The following RPTOR variants were observed in gnomAD, a reference collection of about 807,000 sequenced individuals.
The protein encoded by RPTOR is regulatory-associated protein of mTOR.
Under a neutral mutation model 169.9 loss-of-function variants are expected in RPTOR, and 21 were observed. The observed-to-expected ratio is 0.12, with a 90% CI of 0.09 to 0.18. RPTOR has a LOEUF of 0.18. Among genes scored for constraint, RPTOR ranks in the 10% least tolerant of loss-of-function variants. RPTOR has a pLI of 1.00. For missense variants in RPTOR, 1,133 were observed against 1,855.9 expected, an observed-to-expected ratio of 0.61 and a Z score of 7.16; for synonymous variants, 732 against 753.2, an observed-to-expected ratio of 0.97 and a Z score of 0.46.
At chr17:80,827,519 A>G (rs1249611466) in intron 9 of RPTOR, among the ~76,000 whole-genome samples, 1 of 152,168 alleles carries the variant, frequency 6.6e-6, no homozygotes, top group Non-Finnish European at 1.5e-5. Flanking sequence ...ACCTAGTGCC[A>G]CACACAGTCA....
intron 13 of RPTOR, among the ~76,000 whole-genome samples, chr17:80,871,171 T>A (rs1343836050): frequency 1.3e-5 from 2 of 152,184 alleles, no homozygotes; most frequent in Non-Finnish European, 2.9e-5. Context: ...AGTGGCGCGA[T>A]CTCGGCTCAC....
rs2069429677 is a variant in RPTOR at position 80,966,188 on chromosome 17, T to C, written c.*1858T>C. The stretch of plus-strand genomic sequence containing the variant: ...CCGCGTGCCGCCTGCACGTGGGCTG[T>C]CTTCACAGGTCTGATGTGAAAATTC... On this transcript the variant is annotated 3_prime_UTR_variant, in exon 34 of 34. Transcript: ENST00000306801. 5.7e-6 allele frequency: 1 copy of C among 176,240 alleles called. No individual in the cohort carries two copies. Among genetic ancestry groups the C allele is most frequent in the Non-Finnish European group, 1.1e-5 (1 of 87,524 alleles). 10.9% of individuals were successfully genotyped at this position (176,240 alleles called of 1,614,324 possible).
chr17:80,628,216 T>G (rs1402216667), intron 2 of RPTOR, among the ~76,000 whole-genome samples: 2 of 152,234 alleles, frequency 1.3e-5, no homozygotes, highest in African/African-American at 4.8e-5. Flanking sequence ...ATGTCTTTTA[T>G]ATTTACCTTC....
intron 3 of RPTOR, among the ~76,000 whole-genome samples, chr17:80,669,750 C>A (rs943468873): frequency 6.6e-6 from 1 of 152,272 alleles, no homozygotes; most frequent in Non-Finnish European, 1.5e-5. Context: ...CAGACCTCTC[C>A]ATGGAGGGAC....
intron 6 of RPTOR, among the ~76,000 whole-genome samples, chr17:80,782,693 G>A (rs1006315478): frequency 1.6e-4 from 24 of 152,284 alleles, no homozygotes; most frequent in African/African-American, 4.8e-4. Context: ...AAGGGGTCAC[G>A]GGGTGAGAGG....
At chr17:80,830,789 C>T (rs1239290538) in intron 9 of RPTOR, among the ~76,000 whole-genome samples, 2 of 151,012 alleles carry the variant, frequency 1.3e-5, no homozygotes, top group Non-Finnish European at 2.9e-5. Flanking sequence ...CTCGCTCTGT[C>T]ACCCAGGCTG....
chr17:80,567,023 T>C (rs971804513), intron 1 of RPTOR, among the ~76,000 whole-genome samples: 1 of 151,394 alleles, frequency 6.6e-6, no homozygotes, highest in Non-Finnish European at 1.5e-5. Flanking sequence ...CAGGCTGGAG[T>C]CCAATGGCAT....
intron 5 of RPTOR, among the ~76,000 whole-genome samples, chr17:80,738,633 A>G (rs565677554): frequency 1.1e-4 from 17 of 152,270 alleles, no homozygotes; most frequent in African/African-American, 3.9e-4. Flanking sequence ...ACATACGGCA[A>G]TCTCCTACAC....
intron 10 of RPTOR, among the ~76,000 whole-genome samples, chr17:80,838,943 G>T (rs904969085): frequency 5.3e-5 from 8 of 152,258 alleles, no homozygotes; most frequent in African/African-American, 1.9e-4. Context: ...GCCCAGCACA[G>T]GGCCCTTGGG....
At chr17:80,942,744 G>A (rs554873893) in intron 25 of RPTOR, among the ~76,000 whole-genome samples, 19 of 152,370 alleles carry the variant, frequency 1.2e-4, no homozygotes, top group African/African-American at 4.1e-4. Context: ...CCCAGGAGAC[G>A]GGGTTGGGAA....
chr17:80,692,333 T>C (rs757949134), intron 3 of RPTOR, among the ~76,000 whole-genome samples: 2 of 148,380 alleles, frequency 1.3e-5, no homozygotes, highest in African/African-American at 2.5e-5. Flanking sequence ...TGTTATGTTA[T>C]TTTTTTGAGA....
chr17:80,690,704 G>C (rs2065983988), intron 3 of RPTOR, among the ~76,000 whole-genome samples: 1 of 151,842 alleles, frequency 6.6e-6, no homozygotes, highest in Non-Finnish European at 1.5e-5. Context: ...CTTACTTTAG[G>C]ATATCTGATA....
At chr17:80,626,067 T>A (rs2065392005) in intron 2 of RPTOR, among the ~76,000 whole-genome samples, 2 of 152,146 alleles carry the variant, frequency 1.3e-5, no homozygotes, top group African/African-American at 2.4e-5. Flanking sequence ...TATTATTATT[T>A]TTTTGAGACA....
chr17:80,566,708 C>T (rs2064845330), intron 1 of RPTOR, among the ~76,000 whole-genome samples: 1 of 151,004 alleles, frequency 6.6e-6, no homozygotes, highest in Admixed American at 6.6e-5. Context: ...CCTGTAGTCC[C>T]AGCTACTTGG....
intron 1 of RPTOR, among the ~76,000 whole-genome samples, chr17:80,585,568 C>T (rs2065053722): frequency 6.6e-6 from 1 of 152,204 alleles, no homozygotes; most frequent in African/African-American, 2.4e-5. Flanking sequence ...TAGGGTGGCC[C>T]TGGGTCCTAC....
At chr17:80,645,832 C>T (rs1238641985) in intron 3 of RPTOR, among the ~76,000 whole-genome samples, 4 of 152,040 alleles carry the variant, frequency 2.6e-5, no homozygotes, top group Non-Finnish European at 4.4e-5. Context: ...GGATTCCCTG[C>T]CCATGACAGT....
At position 80,609,613 on chromosome 17, in the gene RPTOR, C is replaced by T. The variant is rs768411473; in HGVS notation, c.163-16078C>T. On this transcript the variant is annotated intron_variant, in intron 1 of 33. Coordinates refer to ENST00000306801, the MANE Select transcript of RPTOR (RefSeq NM_020761.3). The surrounding 1 kb of genome is among the most constrained non-coding windows in gnomAD (Gnocchi z 4.8). ...TAGAAAAATTAGCCGGGCATGATGG[C>T]GCACGCCTGTAATTCCGGCTACTCA... Among the ~76,000 whole-genome samples the T allele has an allele frequency of 6.6e-6, 1 of 152,070 alleles. No individual in the cohort carries two copies. Among genetic ancestry groups the T allele is most frequent in the Non-Finnish European group, 1.5e-5 (1 of 68,014 alleles).
At chr17:80,792,643 A>C (rs187089427) in intron 7 of RPTOR, among the ~76,000 whole-genome samples, 63 of 152,254 alleles carry the variant, frequency 4.1e-4, no homozygotes, top group Non-Finnish European at 4.1e-4. Flanking sequence ...AAGGCTAAAC[A>C]GATAGTGGAG....
chr17:80,589,463 C>T (rs975657946), intron 1 of RPTOR, among the ~76,000 whole-genome samples: 2 of 152,086 alleles, frequency 1.3e-5, no homozygotes, highest in South Asian at 2.1e-4. Flanking sequence ...ATTTTAAAAT[C>T]GGTGGGTCAA....
Sources: allele counts gnomAD v4.1 joint callset (sites outside exome capture counted in the v4.1 genomes callset), GRCh38; gene constraint gnomAD v4.1.1; non-coding constraint Gnocchi (gnomAD v3.1); transcripts MANE v1.5; gene names NCBI Gene and HGNC (gene_info 2026-07-23, HGNC 2026-07-21).